Variants in CHID1 observed in about 807,000 individuals in gnomAD.
CHID1 encodes the protein chitinase domain containing 1.
In CHID1, 44 loss-of-function variants were observed where a neutral mutation model predicts 55.4. That is an observed-to-expected ratio of 0.79 (90% CI 0.62 to 1.02). The LOEUF (loss-of-function observed/expected upper bound fraction) is 1.02, where lower values mean the gene tolerates loss of function less well. CHID1 is among the 50% of genes least tolerant of loss of function. CHID1 has a pLI of 0.00. For missense variants in CHID1, 491 were observed against 515.3 expected, an observed-to-expected ratio of 0.95 and a Z score of 0.46; for synonymous variants, 216 against 212.9, an observed-to-expected ratio of 1.01 and a Z score of -0.13.
intron 8 of CHID1, among the ~76,000 whole-genome samples, chr11:890,729 C>T (rs953298592): frequency 1.3e-5 from 2 of 152,184 alleles, no homozygotes; most frequent in African/African-American, 4.8e-5. Flanking sequence ...GTGGCTTTGC[C>T]CCTGGGTCTC....
Position 902,942 on chromosome 11 carries a change from C to T in CHID1, c.261+20G>A, listed in dbSNP as rs780581036. On this transcript the variant is annotated intron_variant, in intron 3 of 12. Transcript: ENST00000323578. ...CTGAGCCTCAGGACCTCCCTCTGCA[C>T]TGTGAGGGCCCCAACTTACTGGAGT... 3 of 1,611,076 alleles carry T rather than the reference C, an allele frequency of 1.9e-6. No homozygotes were observed. Among genetic ancestry groups the T allele is most frequent in the Non-Finnish European group, 1.7e-6 (2 of 1,177,804 alleles).
intron 7 of CHID1, among the ~76,000 whole-genome samples, chr11:895,330 G>A (rs770518217): frequency 6.6e-6 from 1 of 152,166 alleles, no homozygotes; most frequent in Non-Finnish European, 1.5e-5. Context: ...GAGGGGCCCA[G>A]GGAGCCTGGG....
At chr11:889,196 G>A (rs528653968) in intron 8 of CHID1, among the ~76,000 whole-genome samples, 1 of 152,200 alleles carries the variant, frequency 6.6e-6, no homozygotes, top group South Asian at 2.1e-4. Context: ...ACGGTGACAC[G>A]AGTGAGCCCA....
Position 903,099 on chromosome 11 carries a change from C to T in CHID1, c.124G>A (p.Asp42Asn), listed in dbSNP as rs754244115. ...AAACCCCGGTCTTGCACCGGCTTATCTGAAAACTGACTCTGAAATAAAAGG... is the reference window on the plus strand; with the variant it reads ...AAACCCCGGTCTTGCACCGGCTTATTTGAAAACTGACTCTGAAATAAAAGG... ...KTLLEKSQFSDKPVQDRGLVV... is the reference protein window; with the variant it reads ...KTLLEKSQFSNKPVQDRGLVV... The change falls in exon 3 of 13, where the codon GAT becomes AAT. Residue 42 changes from aspartate to asparagine, a missense_variant. Physicochemically the swap from Asp to Asn is conservative, Grantham distance 23. Coordinates refer to ENST00000323578, the MANE Select transcript of CHID1 (RefSeq NM_023947.4). The T allele has an allele frequency of 6.2e-7, 1 of 1,610,826 alleles. No homozygotes were observed. The highest frequency in any genetic ancestry group is 1.1e-5 in the South Asian group (1 of 91,084).
chr11:901,657 AG>A (rs1195083172), intron 4 of CHID1, among the ~76,000 whole-genome samples: 4 of 152,192 alleles, frequency 2.6e-5, no homozygotes, highest in Non-Finnish European at 5.9e-5. Flanking sequence ...GAGTCATTGT[AG>A]AGCCTGTCCT....
intron 1 of CHID1, among the ~76,000 whole-genome samples, chr11:909,367 G>A (rs1008519728): frequency 3.3e-5 from 5 of 152,256 alleles, no homozygotes; most frequent in African/African-American, 1.2e-4. Context: ...GTTATGAAGA[G>A]GCACAGGCCC....
At chr11:884,032 T>G in intron 9 of CHID1, 36 bp downstream of exon 9, 1 of 1,515,750 alleles carries the variant, frequency 6.6e-7, no homozygotes, top group Non-Finnish European at 9.2e-7. Context: ...ACTGTGGAGT[T>G]TGCTGTGCCC....
Position 908,525 on chromosome 11 carries a change from G to A in CHID1, c.-44+2250C>T, listed in dbSNP as rs79121377. 1.9e-4 allele frequency: 180 copies of A among 972,040 alleles called. 1 individual carries two copies. The East Asian group carries it at 7.5e-3, about 41-fold the overall frequency. The allele number at this position is 972,040 out of a possible 1,614,324, so 60.2% of individuals were successfully genotyped here. A position where few individuals can be genotyped will look rare whatever the true frequency, so the allele number is the denominator to read the frequency against. ...GTTCTGGCCATGGCACAGGGAAGAC[G>A]GCCCAGAATCACTTGCCTGGCCAGG... On this transcript the variant is annotated intron_variant, in intron 1 of 12. Transcript: ENST00000323578.
rs1346439283 is a variant in CHID1 at position 881,595 on chromosome 11, C to T, written c.959+1553G>A. ...TGGTGAGGGAAAGGACCACGTCGGG[C>T]GGTAGGTTGGGTGGTGAGGGAAAGG... On this transcript the variant is annotated intron_variant, in intron 10 of 12. Transcript: ENST00000323578. Among the ~76,000 whole-genome samples the T allele has an allele frequency of 1.8e-4, 5 of 27,722 alleles. 1 individual carries two copies. The highest frequency in any genetic ancestry group is 4.9e-4 in the African/African-American group (3 of 6,086). The allele number at this position is 27,722 out of a possible 152,430, so 18.2% of individuals were successfully genotyped here. A position where few individuals can be genotyped will look rare whatever the true frequency, so the allele number is the denominator to read the frequency against.
chr11:899,934 G>A, intron 6 of CHID1, 70 bp downstream of exon 6: 1 of 1,147,286 alleles, frequency 8.7e-7, no homozygotes, highest in Middle Eastern at 2.0e-4. Context: ...CCTCGCGGGA[G>A]GCCCAGCCAG....
intron 7 of CHID1, among the ~76,000 whole-genome samples, chr11:897,660 C>G (rs774837036): frequency 2.0e-5 from 3 of 152,220 alleles, no homozygotes; most frequent in Non-Finnish European, 4.4e-5. Flanking sequence ...ACCCCCACTG[C>G]AGTGCGCCTC....
chr11:904,634 G>A, intron 2 of CHID1, 72 bp downstream of exon 2: 1 of 1,573,606 alleles, frequency 6.4e-7, no homozygotes, highest in Non-Finnish European at 8.7e-7. Context: ...AGGCCCCAGT[G>A]GACAGAAAGA....
intron 10 of CHID1, among the ~76,000 whole-genome samples, chr11:873,756 T>G (rs1160368976): frequency 5.9e-5 from 9 of 152,036 alleles, no homozygotes; most frequent in Admixed American, 1.3e-4. Flanking sequence ...CTTCTTTTTT[T>G]GGGGAGCAGT....
At chr11:881,353 G>T (rs1849904060) in intron 10 of CHID1, among the ~76,000 whole-genome samples, 1 of 152,080 alleles carries the variant, frequency 6.6e-6, no homozygotes, top group Non-Finnish European at 1.5e-5. Flanking sequence ...AGGCTGGGTG[G>T]TGAGGGAAAG....
chr11:903,780 T>C, intron 2 of CHID1: 1 of 185,794 alleles, frequency 5.4e-6, no homozygotes, highest in South Asian at 6.8e-5. Flanking sequence ...AAACTTCACC[T>C]CAAAAAAAAA....
At chr11:907,287 C>A (rs969210243) in intron 1 of CHID1, among the ~76,000 whole-genome samples, 1 of 152,154 alleles carries the variant, frequency 6.6e-6, no homozygotes, top group East Asian at 1.9e-4. Flanking sequence ...CGAGACCATC[C>A]TGGCTAACAC....
intron 8 of CHID1, 49 bp downstream of exon 8, chr11:893,378 A>G (rs1430177980): frequency 1.4e-6 from 2 of 1,480,138 alleles, no homozygotes; most frequent in Non-Finnish European, 9.2e-7. Flanking sequence ...GCTGCCCCCG[A>G]CCCCAGAGCC....
chr11:893,035 C>A (rs982743926), intron 8 of CHID1, among the ~76,000 whole-genome samples: 1 of 152,248 alleles, frequency 6.6e-6, no homozygotes, highest in Non-Finnish European at 1.5e-5. Flanking sequence ...TGCAGAGGTG[C>A]AGAGGGCTGG....
intron 8 of CHID1, among the ~76,000 whole-genome samples, chr11:888,800 C>T (rs1391463789): frequency 6.6e-6 from 1 of 152,128 alleles, no homozygotes; most frequent in Non-Finnish European, 1.5e-5. Context: ...TGCCTGCCCA[C>T]TCGGCCTCGA....
Sources: gnomAD v4.1 joint callset for allele counts (sites outside exome capture counted in the v4.1 genomes callset) on GRCh38, gnomAD v4.1.1 for gene constraint, MANE v1.5 for transcripts, NCBI Gene and HGNC (gene_info 2026-07-23, HGNC 2026-07-21) for gene names.